SLC35D4: variants seen among roughly 807,000 people sequenced by gnomAD.
The protein encoded by SLC35D4 is solute carrier family 35 member D4.
At chr18:23,271,893 C>T in the SLC35D4 span, among the ~76,000 whole-genome samples, 1 of 152,192 alleles carries the variant, frequency 6.6e-6, no homozygotes, top group Admixed American at 6.5e-5. Context: ...AGGTTTTGCA[C>T]TCAGAGTGGG....
chr18:23,275,448 G>A, the SLC35D4 span, among the ~76,000 whole-genome samples: 9 of 152,176 alleles, frequency 5.9e-5, no homozygotes, highest in South Asian at 2.1e-4. Context: ...AGACAAACCC[G>A]AGGTGATCAT....
chr18:23,437,890 T>C, the SLC35D4 span: 1 of 1,593,774 alleles, frequency 6.3e-7, no homozygotes, highest in South Asian at 1.1e-5. Context: ...CCACGGTGCC[T>C]GCCCAAATCC....
chr18:23,398,203 G>C, the SLC35D4 span, among the ~76,000 whole-genome samples: 3 of 152,286 alleles, frequency 2.0e-5, no homozygotes, highest in South Asian at 2.1e-4. Flanking sequence ...TCAAAAGATT[G>C]CAAGAATCAC....
the SLC35D4 span, among the ~76,000 whole-genome samples, chr18:23,314,342 C>A: frequency 6.6e-6 from 1 of 152,180 alleles, no homozygotes; most frequent in East Asian, 1.9e-4. Context: ...CTCTAAGTAA[C>A]AGAAATCGAT....
chr18:23,253,960 C>T, the SLC35D4 span: 11 of 1,602,960 alleles, frequency 6.9e-6, no homozygotes, highest in Admixed American at 1.8e-4. Context: ...TTCCTGGTGG[C>T]TGGAGGAGCA....
chr18:23,260,246 G>A, the SLC35D4 span: 1 of 152,146 alleles, frequency 6.6e-6, no homozygotes, highest in East Asian at 1.9e-4. Flanking sequence ...AAATGCAAAT[G>A]GGTTTTGTTT....
chr18:23,352,442 TA>T, the SLC35D4 span, among the ~76,000 whole-genome samples: 4 of 152,108 alleles, frequency 2.6e-5, no homozygotes, highest in South Asian at 6.2e-4. Context: ...TGGATGAAAA[TA>T]AAAAAAATTT....
the SLC35D4 span, among the ~76,000 whole-genome samples, chr18:23,294,895 C>G: frequency 9.2e-5 from 14 of 152,216 alleles, no homozygotes; most frequent in Admixed American, 9.2e-4. Context: ...TCAGCCAAAG[C>G]TTTTGGGGCC....
the SLC35D4 span, among the ~76,000 whole-genome samples, chr18:23,401,320 T>A: frequency 1.3e-5 from 2 of 152,204 alleles, no homozygotes; most frequent in Non-Finnish European, 2.9e-5. Flanking sequence ...GACCTCATAA[T>A]CTAATGGGAG....
chr18:23,275,089 T>C, the SLC35D4 span, among the ~76,000 whole-genome samples: 1 of 150,616 alleles, frequency 6.6e-6, no homozygotes, highest in Non-Finnish European at 1.5e-5. Flanking sequence ...TGTGCTTGTG[T>C]GCGTGCTTGT....
At chr18:23,433,047 A>T in the SLC35D4 span, among the ~76,000 whole-genome samples, 1 of 137,776 alleles carries the variant, frequency 7.3e-6, no homozygotes, top group African/African-American at 2.6e-5. Flanking sequence ...TATGCTTATT[A>T]TCCACTTGTA....
At chr18:23,433,002 A>T in the SLC35D4 span, among the ~76,000 whole-genome samples, 1 of 146,958 alleles carries the variant, frequency 6.8e-6, no homozygotes. Flanking sequence ...AAAAAAAAAA[A>T]TTGGAGCCAT....
At chr18:23,363,762 T>C in the SLC35D4 span, among the ~76,000 whole-genome samples, 4 of 152,256 alleles carry the variant, frequency 2.6e-5, no homozygotes, top group South Asian at 6.2e-4. Context: ...AAAGGAATGA[T>C]AGGAGACGCA....
At chr18:23,336,039 C>T in the SLC35D4 span, among the ~76,000 whole-genome samples, 13 of 150,448 alleles carry the variant, frequency 8.6e-5, no homozygotes, top group African/African-American at 2.9e-4. Flanking sequence ...AAAAATAGCT[C>T]GGAAAAAATG....
the SLC35D4 span, among the ~76,000 whole-genome samples, chr18:23,317,563 A>G: frequency 6.6e-6 from 1 of 152,350 alleles, no homozygotes; most frequent in South Asian, 2.1e-4. Context: ...ACACAGAAAT[A>G]CATGCAAAGA....
chr18:23,306,971 AAT>A, the SLC35D4 span, among the ~76,000 whole-genome samples: 1 of 152,196 alleles, frequency 6.6e-6, no homozygotes, highest in African/African-American at 2.4e-5. Context: ...CAGCCCAAGA[AAT>A]AGACTATTTA....
the SLC35D4 span, among the ~76,000 whole-genome samples, chr18:23,325,405 AG>A: frequency 6.6e-6 from 1 of 151,988 alleles, no homozygotes. Context: ...AGGCAGAGGG[AG>A]GACAGGACAA....
chr18:23,317,704 A>T, the SLC35D4 span, among the ~76,000 whole-genome samples: 1 of 151,668 alleles, frequency 6.6e-6, no homozygotes, highest in East Asian at 1.9e-4. Context: ...AAGATCTACC[A>T]TTGTAGATTA....
the SLC35D4 span, among the ~76,000 whole-genome samples, chr18:23,269,828 T>C: frequency 1.3e-5 from 2 of 152,300 alleles, no homozygotes; most frequent in African/African-American, 4.8e-5. Context: ...TGTGGAACTT[T>C]GAACTTGAGA....
Sources: allele counts gnomAD v4.1 joint callset (sites outside exome capture counted in the v4.1 genomes callset), GRCh38; gene constraint gnomAD v4.1.1; transcripts MANE v1.5; gene names NCBI Gene and HGNC (gene_info 2026-07-23, HGNC 2026-07-21).